Variants in PEDS1 observed in about 807,000 individuals in gnomAD.
PEDS1 encodes the protein plasmanylethanolamine desaturase 1.
In PEDS1, 14 loss-of-function variants were observed where a neutral mutation model predicts 35.2. The observed-to-expected ratio is 0.40, with a 90% CI of 0.26 to 0.62. The LOEUF is 0.62. PEDS1 is among the 20% of genes least tolerant of loss of function. The pLI is 0.44. For synonymous variants in PEDS1, 152 were observed against 152.0 expected, an observed-to-expected ratio of 1.00 and a Z score of 0.00; for missense variants, 260 against 367.8, an observed-to-expected ratio of 0.71 and a Z score of 2.40.
intron 2 of PEDS1, among the ~76,000 whole-genome samples, chr20:50,132,625 G>A (rs896747095): frequency 3.3e-5 from 5 of 152,164 alleles, no homozygotes; most frequent in African/African-American, 1.2e-4. Flanking sequence ...CAAGCACTCG[G>A]CACCTCTGAC....
At chr20:50,139,076 G>A (rs887742624) in intron 2 of PEDS1, among the ~76,000 whole-genome samples, 14 of 152,130 alleles carry the variant, frequency 9.2e-5, no homozygotes, top group Admixed American at 8.5e-4. Flanking sequence ...TCCCAGTCCT[G>A]TCTCTACCGC....
chr20:50,128,255 C>T lies in PEDS1; in HGVS notation c.479-68G>A, dbSNP rs2081133698. On this transcript the variant is annotated intron_variant, in intron 4 of 5. Transcript: ENST00000371652. The surrounding 1 kb of genome is among the most constrained non-coding windows in gnomAD (Gnocchi z 5.2). ...GGACGGGGAACCCACCCCAAATGGC[C>T]CTCACCACCTGCTCCTGGGCGGCTC... The T allele has an allele frequency of 1.9e-6, 3 of 1,577,968 alleles. No homozygotes were observed. The highest frequency in any genetic ancestry group is 1.4e-5 in the African/African-American group (1 of 74,060).
intron 3 of PEDS1, among the ~76,000 whole-genome samples, chr20:50,130,451 C>T (rs1366593664): frequency 6.6e-6 from 1 of 152,190 alleles, no homozygotes; most frequent in African/African-American, 2.4e-5. Flanking sequence ...CTTAATTTGG[C>T]TCTAACCCTG....
chr20:50,130,819 C>G (rs758327158), intron 3 of PEDS1, 37 bp downstream of exon 3: 1 of 1,612,858 alleles, frequency 6.2e-7, no homozygotes, highest in Admixed American at 1.7e-5. Context: ...ACAGCCCAAC[C>G]TCCTTCTTGA....
chr20:50,125,700 T>C (rs2081095577), intron 5 of PEDS1, among the ~76,000 whole-genome samples: 1 of 152,058 alleles, frequency 6.6e-6, no homozygotes, highest in African/African-American at 2.4e-5. Flanking sequence ...TTCAAGTGAC[T>C]CTCCTGCCTC....
At position 50,124,721 on chromosome 20, in the gene PEDS1, A is replaced by G; in HGVS notation, c.*337T>C. 4.1e-6 allele frequency: 1 copy of G among 244,288 alleles called. No individual in the cohort carries two copies. Among genetic ancestry groups the G allele is most frequent in the South Asian group, 5.4e-5 (1 of 18,450 alleles). The allele number at this position is 244,288 out of a possible 1,614,324, so 15.1% of individuals were successfully genotyped here. A position where few individuals can be genotyped will look rare whatever the true frequency, so the allele number is the denominator to read the frequency against. On this transcript the variant is annotated 3_prime_UTR_variant, in exon 6 of 6. Coordinates refer to ENST00000371652, the MANE Select transcript of PEDS1 (RefSeq NM_199129.4). ...GGAAAGAGGCAACTCACTGGCCCCA[A>G]CGCCAGCCACACTGAAGGGCTGCCC...
intron 2 of PEDS1, among the ~76,000 whole-genome samples, chr20:50,131,488 G>A (rs1392637985): frequency 6.6e-6 from 1 of 152,020 alleles, no homozygotes; most frequent in Non-Finnish European, 1.5e-5. Flanking sequence ...CAGGTGTGGT[G>A]GCATGCGCCT....
chr20:50,125,332 G>A (rs960058483), intron 5 of PEDS1, among the ~76,000 whole-genome samples, 153 bp from the exon 6 acceptor site: 14 of 152,124 alleles, frequency 9.2e-5, no homozygotes, highest in African/African-American at 3.4e-4. Flanking sequence ...TGGAAGTGGG[G>A]GCCTCCCACC....
At chr20:50,143,344 A>T (rs905567875) in intron 2 of PEDS1, among the ~76,000 whole-genome samples, 158 bp downstream of exon 2, 3 of 152,100 alleles carry the variant, frequency 2.0e-5, no homozygotes, top group African/African-American at 7.2e-5. Context: ...GGCTGCAGGG[A>T]GGTGCTGCTG....
chr20:50,136,722 C>CAAAA lies in PEDS1; in HGVS notation c.242-5779_242-5776dup, dbSNP rs34195813. On this transcript the variant is annotated intron_variant, in intron 2 of 5. Coordinates refer to ENST00000371652, the MANE Select transcript of PEDS1 (RefSeq NM_199129.4). ...TGGGTGACAGAGTGAGACTCTGCCT[C>CAAAA]AAAAAAAAAAAAAAAAAAAAAGAGG... 2.0e-3 allele frequency among the ~76,000 whole-genome samples: 143 copies of CAAAA among 70,072 alleles called. 3 individuals are homozygous for CAAAA. Among genetic ancestry groups the CAAAA allele is most frequent in the African/African-American group, 4.6e-3 (68 of 14,702 alleles). 46.0% of individuals were successfully genotyped at this position (70,072 alleles called of 152,430 possible).
rs1019722322 is a variant in PEDS1 at position 50,124,179 on chromosome 20, C to T, written c.*879G>A. 6 of 152,582 alleles carry T rather than the reference C, an allele frequency of 3.9e-5. No individual in the cohort carries two copies. Among genetic ancestry groups the T allele is most frequent in the Non-Finnish European group, 7.3e-5 (5 of 68,054 alleles). 9.5% of individuals were successfully genotyped at this position (152,582 alleles called of 1,614,324 possible). A position where few individuals can be genotyped will look rare whatever the true frequency, so the allele number is the denominator to read the frequency against. The stretch of plus-strand genomic sequence containing the variant: ...CGAGGCAGCCAAGGTTAAGTAGACT[C>T]TTGCTGCTTTGTTATAAATATATTA... On this transcript the variant is annotated 3_prime_UTR_variant, in exon 6 of 6. Coordinates refer to ENST00000371652, the MANE Select transcript of PEDS1 (RefSeq NM_199129.4).
At chr20:50,136,891 G>C (rs931448097) in intron 2 of PEDS1, among the ~76,000 whole-genome samples, 1 of 151,892 alleles carries the variant, frequency 6.6e-6, no homozygotes, top group Non-Finnish European at 1.5e-5. Context: ...AACAAAATTC[G>C]CCAGGTGTGG....
At chr20:50,141,279 G>C (rs2081289043) in intron 2 of PEDS1, among the ~76,000 whole-genome samples, 1 of 152,258 alleles carries the variant, frequency 6.6e-6, no homozygotes. Flanking sequence ...CTCTCAGATG[G>C]TGATGGGAAC....
intron 2 of PEDS1, among the ~76,000 whole-genome samples, chr20:50,141,846 C>T (rs1340634124): frequency 1.3e-5 from 2 of 152,184 alleles, no homozygotes; most frequent in Non-Finnish European, 2.9e-5. Context: ...TATACCAACC[C>T]CACCCCAGAC....
At chr20:50,125,976 T>C (rs2147267182) in intron 5 of PEDS1, among the ~76,000 whole-genome samples, 1 of 152,300 alleles carries the variant, frequency 6.6e-6, no homozygotes, top group South Asian at 2.1e-4. Flanking sequence ...CCTCTCGCCT[T>C]GGCTTCCTAA....
intron 2 of PEDS1, among the ~76,000 whole-genome samples, chr20:50,141,130 C>T (rs1186761750): frequency 6.6e-6 from 1 of 152,212 alleles, no homozygotes; most frequent in Non-Finnish European, 1.5e-5. Context: ...AGGCCTGAAA[C>T]AGCCTGGCCT....
At chr20:50,134,059 C>T in intron 2 of PEDS1, among the ~76,000 whole-genome samples, 1 of 152,206 alleles carries the variant, frequency 6.6e-6, no homozygotes, top group Non-Finnish European at 1.5e-5. Flanking sequence ...GGCCATGTGG[C>T]CAAGAGCTAT....
Position 50,127,957 on chromosome 20 carries a change from C to T in PEDS1, c.691+18G>A, listed in dbSNP as rs374259495. ...GCTGGGGTGGGGAAAGCCCATTCCA[C>T]GCCACTGGTGGCCGCACCTGTGGTG... On this transcript the variant is annotated intron_variant, in intron 5 of 5. Coordinates refer to ENST00000371652, the MANE Select transcript of PEDS1 (RefSeq NM_199129.4). 2.0e-5 allele frequency: 33 copies of T among 1,610,192 alleles called. No individual in the cohort carries two copies. Among genetic ancestry groups the T allele is most frequent in the South Asian group, 1.7e-4 (15 of 90,560 alleles).
intron 5 of PEDS1, among the ~76,000 whole-genome samples, chr20:50,125,888 G>A (rs1355507012): frequency 1.3e-5 from 2 of 152,102 alleles, no homozygotes; most frequent in African/African-American, 2.4e-5. Flanking sequence ...ACTGAGCCTG[G>A]CTCTATTTAC....
Sources: gnomAD v4.1 joint callset for allele counts (sites outside exome capture counted in the v4.1 genomes callset) on GRCh38, gnomAD v4.1.1 for gene constraint, Gnocchi (gnomAD v3.1) non-coding constraint, MANE v1.5 for transcripts, NCBI Gene and HGNC (gene_info 2026-07-23, HGNC 2026-07-21) for gene names.